Variants in SDK1 observed in about 807,000 individuals in gnomAD.
SDK1 encodes the protein protein sidekick-1.
SDK1 carries 157 observed loss-of-function variants against 245.5 expected under a neutral mutation model. The observed-to-expected ratio is 0.64, with a 90% CI of 0.56 to 0.73. SDK1 has a LOEUF of 0.73. SDK1 is among the 30% of genes least tolerant of loss of function. The pLI is 0.00. For synonymous variants in SDK1, 1,647 were observed against 1,278.5 expected (o/e 1.29, Z -6.15); for missense variants, 3,583 against 3,002.3 (o/e 1.19, Z -4.52).
intron 4 of SDK1, among the ~76,000 whole-genome samples, chr7:3,800,190 G>T (rs958463439): frequency 3.3e-5 from 5 of 152,002 alleles, no homozygotes; most frequent in Non-Finnish European, 5.9e-5. Context: ...TATTATGGGG[G>T]AACACAAAAC....
At chr7:3,882,481 C>A (rs1012029453) in intron 5 of SDK1, among the ~76,000 whole-genome samples, 2 of 152,234 alleles carry the variant, frequency 1.3e-5, no homozygotes, top group African/African-American at 2.4e-5. Flanking sequence ...AACACTGATT[C>A]TTTCCTTCTA....
chr7:3,327,689 A>C (rs1779970038), intron 1 of SDK1, among the ~76,000 whole-genome samples: 1 of 152,108 alleles, frequency 6.6e-6, no homozygotes, highest in Non-Finnish European at 1.5e-5. Context: ...ATGTTTCCTA[A>C]CTCATTTAGA....
At chr7:3,812,195 C>A (rs924565239) in intron 4 of SDK1, among the ~76,000 whole-genome samples, 1 of 152,150 alleles carries the variant, frequency 6.6e-6, no homozygotes, top group Non-Finnish European at 1.5e-5. Flanking sequence ...GCTTGGGTTC[C>A]AGGTGCCTGA....
chr7:3,714,084 C>T (rs369308379), intron 4 of SDK1, among the ~76,000 whole-genome samples: 7 of 152,208 alleles, frequency 4.6e-5, no homozygotes, highest in African/African-American at 1.7e-4. Flanking sequence ...TGCCTGACAG[C>T]AAAGGAGGAA....
At chr7:4,149,196 C>T (rs893916612) in intron 29 of SDK1, 66 bp from the exon 30 acceptor site, 6 of 1,344,154 alleles carry the variant, frequency 4.5e-6, no homozygotes, top group Non-Finnish European at 5.9e-6. Flanking sequence ...AGCGTAGCCT[C>T]CTGGGGATGT....
intron 1 of SDK1, among the ~76,000 whole-genome samples, chr7:3,491,727 C>A (rs1366862213): frequency 1.3e-5 from 2 of 152,162 alleles, no homozygotes; most frequent in Non-Finnish European, 2.9e-5. Context: ...CTGAAGGTAA[C>A]CCGAGTGTTA....
chr7:3,672,355 GTC>G (rs1458569392), intron 4 of SDK1, among the ~76,000 whole-genome samples: 2 of 151,752 alleles, frequency 1.3e-5, no homozygotes, highest in African/African-American at 4.8e-5. Context: ...TTCTTGAAGT[GTC>G]TCTCTGTTTC....
intron 4 of SDK1, among the ~76,000 whole-genome samples, chr7:3,674,476 C>G (rs80356258): frequency 0.025 from 3,758 of 152,116 alleles, 165 homozygotes; most frequent in African/African-American, 0.085. Context: ...GGGGCCTTTG[C>G]TGAGGCTGGT....
intron 16 of SDK1, among the ~76,000 whole-genome samples, chr7:4,016,215 AC>A (rs1786390628): frequency 6.6e-6 from 1 of 152,244 alleles, no homozygotes; most frequent in Admixed American, 6.5e-5. Flanking sequence ...GAAGATTTCC[AC>A]ATGCCGTGAA....
intron 13 of SDK1, 138 bp from the exon 14 acceptor site, chr7:3,987,048 T>G: frequency 5.1e-6 from 4 of 781,456 alleles, no homozygotes; most frequent in Non-Finnish European, 8.4e-6. Flanking sequence ...AGAGAGTTAA[T>G]ATTTGTGTTT....
intron 4 of SDK1, among the ~76,000 whole-genome samples, chr7:3,691,614 A>C (rs566757851): frequency 7.4e-6 from 1 of 135,098 alleles, no homozygotes; most frequent in South Asian, 2.5e-4. Flanking sequence ...AAATATGATT[A>C]TCTACCATGA....
intron 34 of SDK1, among the ~76,000 whole-genome samples, chr7:4,178,066 C>T (rs1050090896): frequency 3.3e-5 from 5 of 152,226 alleles, no homozygotes; most frequent in African/African-American, 1.2e-4. Context: ...AGGCAGAACT[C>T]AGGCAGTAAT....
chr7:4,027,775 C>CTT (rs923802465), intron 17 of SDK1, among the ~76,000 whole-genome samples: 5 of 152,110 alleles, frequency 3.3e-5, no homozygotes, highest in African/African-American at 1.2e-4. Context: ...GTGTCTCTCT[C>CTT]TTCAGCAGCA....
intron 1 of SDK1, among the ~76,000 whole-genome samples, chr7:3,335,677 G>A (rs1780182770): frequency 6.6e-6 from 1 of 152,020 alleles, no homozygotes; most frequent in African/African-American, 2.4e-5. Flanking sequence ...GCCAGGAAGA[G>A]GAAAGTAAGC....
Position 3,909,192 on chromosome 7 carries a change from C to T in SDK1, c.848-41731C>T, listed in dbSNP as rs141545817. On this transcript the variant is annotated intron_variant, in intron 5 of 44. Transcript: ENST00000404826. ...CCATCTTCAGACGCAGTGAGACCCT[C>T]ATCCTCTACTCCATCATACACCTGT... 3.4e-3 allele frequency among the ~76,000 whole-genome samples: 519 copies of T among 152,352 alleles called. 3 individuals carry two copies. The highest frequency in any genetic ancestry group is 0.012 in the African/African-American group (481 of 41,594).
intron 1 of SDK1, among the ~76,000 whole-genome samples, chr7:3,603,993 T>A (rs1038409853): frequency 6.6e-6 from 1 of 152,226 alleles, no homozygotes; most frequent in African/African-American, 2.4e-5. Context: ...TTTATTGATT[T>A]GCGTATGTTG....
At chr7:3,392,970 TTTTTTTTTTTC>T (rs1409943371) in intron 1 of SDK1, among the ~76,000 whole-genome samples, 5 of 135,372 alleles carry the variant, frequency 3.7e-5, no homozygotes, top group Admixed American at 1.5e-4. Flanking sequence ...AATTTTTTTT[TTTTTTTTTTTC>T]TTTTTTGAGA....
intron 4 of SDK1, among the ~76,000 whole-genome samples, chr7:3,649,316 C>A (rs185989634): frequency 6.6e-6 from 1 of 151,968 alleles, no homozygotes; most frequent in Admixed American, 6.6e-5. Context: ...TAACAAAATG[C>A]GCATTTTCAA....
At chr7:3,777,494 C>T (rs879385699) in intron 4 of SDK1, among the ~76,000 whole-genome samples, 5 of 152,170 alleles carry the variant, frequency 3.3e-5, no homozygotes, top group African/African-American at 7.2e-5. Flanking sequence ...CAACCTGTGG[C>T]TGAGCTGGAA....
Sources: allele counts gnomAD v4.1 joint callset (sites outside exome capture counted in the v4.1 genomes callset), GRCh38; gene constraint gnomAD v4.1.1; transcripts MANE v1.5; gene names NCBI Gene and HGNC (gene_info 2026-07-23, HGNC 2026-07-21).